Variants in LIPC observed in about 807,000 individuals in gnomAD.
LIPC encodes lipase C, hepatic type.
Under a neutral mutation model 50.7 loss-of-function variants are expected in LIPC, and 44 were observed. That is an observed-to-expected ratio of 0.87 (90% CI 0.68 to 1.11). The LOEUF is 1.11. Among genes scored for constraint, LIPC ranks in the 50% most tolerant of loss-of-function variants. The pLI is 0.00. For missense variants in LIPC, 697 were observed against 648.2 expected (o/e 1.08, Z -0.82); for synonymous variants, 271 against 256.4 (o/e 1.06, Z -0.54).
chr15:58,545,682 G>A (rs1893499165), intron 4 of LIPC, 60 bp from the exon 5 acceptor site: 7 of 1,400,746 alleles, frequency 5.0e-6, no homozygotes, highest in Non-Finnish European at 7.1e-6. Context: ...AAGCTAAAAA[G>A]CACATCTCTC....
At chr15:58,443,455 C>T (rs1314210966) in intron 1 of LIPC, among the ~76,000 whole-genome samples, 1 of 152,202 alleles carries the variant, frequency 6.6e-6, no homozygotes, top group African/African-American at 2.4e-5. Flanking sequence ...CAAACCCAGG[C>T]AGCCCATAGA....
At chr15:58,481,684 G>T (rs1437155226) in intron 1 of LIPC, among the ~76,000 whole-genome samples, 3 of 152,262 alleles carry the variant, frequency 2.0e-5, no homozygotes, top group Admixed American at 2.0e-4. Context: ...TGTAACCCCA[G>T]CTACTCGAGA....
chr15:58,486,058 A>G (rs961988025), intron 1 of LIPC, among the ~76,000 whole-genome samples: 10 of 152,206 alleles, frequency 6.6e-5, no homozygotes, highest in Admixed American at 2.0e-4. Context: ...AGCCCACAGC[A>G]TAACTAAGAA....
At chr15:58,518,662 A>C (rs1892555819) in intron 1 of LIPC, among the ~76,000 whole-genome samples, 1 of 152,186 alleles carries the variant, frequency 6.6e-6, no homozygotes, top group African/African-American at 2.4e-5. Flanking sequence ...CTCTGCACAT[A>C]CCACAACGTG....
At chr15:58,493,648 AC>A (rs1396045588) in intron 1 of LIPC, among the ~76,000 whole-genome samples, 51 of 146,582 alleles carry the variant, frequency 3.5e-4, no homozygotes, top group African/African-American at 1.2e-3. Context: ...AAAATTTATT[AC>A]GTATAAATAA....
chr15:58,472,270 CAAAAAAAAAAA>C lies in LIPC; in HGVS notation c.88+40163_88+40173del, dbSNP rs35901617. 1.5e-4 allele frequency among the ~76,000 whole-genome samples: 13 copies of C among 87,640 alleles called. No homozygotes were observed. In the East Asian group the frequency reaches 1.7e-3, roughly 12 times the overall value. The allele number at this position is 87,640 out of a possible 152,430, so 57.5% of individuals were successfully genotyped here. A position where few individuals can be genotyped will look rare whatever the true frequency, so the allele number is the denominator to read the frequency against. On this transcript the variant is annotated intron_variant, in intron 1 of 8. Coordinates refer to ENST00000299022, the MANE Select transcript of LIPC (RefSeq NM_000236.3). Reference sequence around the variant, plus strand: ...TGGGCAACAGAGTGACATTTGGTCTCAAAAAAAAAAAAAAAAAAAAAAAGAAATCTTAGCAG... The same window carrying C: ...TGGGCAACAGAGTGACATTTGGTCTCAAAAAAAAAAAAGAAATCTTAGCAG...
At chr15:58,520,062 G>A (rs527540726) in intron 1 of LIPC, among the ~76,000 whole-genome samples, 1 of 149,668 alleles carries the variant, frequency 6.7e-6, no homozygotes, top group Admixed American at 6.7e-5. Context: ...ATCTAGTGAT[G>A]TGATTGATTG....
At chr15:58,514,083 G>A (rs143441213) in intron 1 of LIPC, among the ~76,000 whole-genome samples, 233 of 152,338 alleles carry the variant, frequency 1.5e-3, no homozygotes, top group African/African-American at 5.6e-3. Context: ...GAGTGGTACA[G>A]TAATAAGCAT....
intron 4 of LIPC, among the ~76,000 whole-genome samples, chr15:58,543,034 C>T (rs563453868): frequency 1.3e-5 from 2 of 152,312 alleles, no homozygotes; most frequent in South Asian, 2.1e-4. Flanking sequence ...TCATCAGCCA[C>T]GTTAGTGCCT....
intron 1 of LIPC, among the ~76,000 whole-genome samples, chr15:58,441,635 G>C (rs1405714308): frequency 6.6e-6 from 1 of 152,208 alleles, no homozygotes; most frequent in African/African-American, 2.4e-5. Context: ...TGTGCTGGTT[G>C]AGTCTAAGGA....
chr15:58,435,055 C>T (rs1432798253), intron 1 of LIPC: 1 of 152,214 alleles, frequency 6.6e-6, no homozygotes, highest in Non-Finnish European at 1.5e-5. Flanking sequence ...ATATTTCCTT[C>T]ATTAGAAATT....
intron 6 of LIPC, among the ~76,000 whole-genome samples, chr15:58,551,734 ACCACAATC>A (rs1205023079): frequency 6.6e-6 from 1 of 152,172 alleles, no homozygotes. Flanking sequence ...CTACAGAGAA[ACCACAATC>A]CCCATTTTTC....
At chr15:58,564,922 C>T (rs1246461782) in intron 8 of LIPC, among the ~76,000 whole-genome samples, 2 of 152,068 alleles carry the variant, frequency 1.3e-5, no homozygotes, top group Non-Finnish European at 2.9e-5. Flanking sequence ...ATTCAGGAAA[C>T]GGTCTCTCCT....
At chr15:58,568,626 CA>C (rs1175540841) in intron 8 of LIPC, 89 bp from the exon 9 acceptor site, 1 of 799,544 alleles carries the variant, frequency 1.3e-6, no homozygotes, top group African/African-American at 1.7e-5. Context: ...ATGCCTTACA[CA>C]AATTGAGTGA....
chr15:58,533,683 A>G (rs1388114241), intron 1 of LIPC, among the ~76,000 whole-genome samples: 1 of 152,206 alleles, frequency 6.6e-6, no homozygotes, highest in Non-Finnish European at 1.5e-5. Flanking sequence ...ATTTAAAACC[A>G]TTTATGTAAC....
intron 1 of LIPC, among the ~76,000 whole-genome samples, chr15:58,469,731 T>C (rs1225477419): frequency 6.6e-6 from 1 of 152,314 alleles, no homozygotes; most frequent in Admixed American, 6.5e-5. Flanking sequence ...TTGAGTGAAG[T>C]GACCCTACCC....
chr15:58,451,047 A>G lies in LIPC; in HGVS notation c.88+18927A>G, dbSNP rs139324757. ...CCCAGGCAACGTACTAGGAAGAATC[A>G]TGGTTTACTGAAGGCAGGCTACCCT... On this transcript the variant is annotated intron_variant, in intron 1 of 8. Transcript: ENST00000299022. 1.6e-3 allele frequency among the ~76,000 whole-genome samples: 247 copies of G among 152,280 alleles called. 1 individual carries two copies. Among genetic ancestry groups the G allele is most frequent in the African/African-American group, 5.7e-3 (238 of 41,546 alleles).
intron 1 of LIPC, chr15:58,435,906 A>C (rs1361603911): frequency 1.3e-5 from 2 of 152,204 alleles, no homozygotes; most frequent in African/African-American, 4.8e-5. Flanking sequence ...GTGAAACTCC[A>C]TCCCAAAAGA....
chr15:58,461,922 C>T (rs556957444), intron 1 of LIPC, among the ~76,000 whole-genome samples: 5 of 151,182 alleles, frequency 3.3e-5, no homozygotes, highest in Admixed American at 2.0e-4. Flanking sequence ...CTCGTGCTGT[C>T]CCCCCGCCCC....
Sources: allele counts gnomAD v4.1 joint callset (sites outside exome capture counted in the v4.1 genomes callset), GRCh38; gene constraint gnomAD v4.1.1; transcripts MANE v1.5; gene names NCBI Gene and HGNC (gene_info 2026-07-23, HGNC 2026-07-21).